Variants in ZNF385D observed in about 807,000 individuals in gnomAD.
The protein encoded by ZNF385D is zinc finger protein 659.
ZNF385D carries 15 observed loss-of-function variants against 35.8 expected under a neutral mutation model. The ratio of observed to expected loss-of-function variants is 0.42; its 90% CI spans 0.28 to 0.64. ZNF385D has a LOEUF of 0.64. Among genes scored for constraint, ZNF385D ranks in the 30% least tolerant of loss-of-function variants. The pLI is 0.23. For missense variants in ZNF385D, 474 were observed against 494.6 expected (o/e 0.96, Z 0.39); for synonymous variants, 212 against 186.8 (o/e 1.13, Z -1.10).
intron 4 of ZNF385D, among the ~76,000 whole-genome samples, chr3:21,453,687 T>G (rs1183982287): frequency 6.6e-6 from 1 of 151,900 alleles, no homozygotes; most frequent in Non-Finnish European, 1.5e-5. Context: ...AATAAAAAAC[T>G]AAATTAAAAA....
At chr3:22,174,025 A>AACACAC (rs10569895) in intron 2 of ZNF385D, among the ~76,000 whole-genome samples, 1,669 of 149,954 alleles carry the variant, frequency 0.011, 34 homozygotes, top group Non-Finnish European at 0.01. Flanking sequence ...TTTACACACA[A>AACACAC]ACACACACAC....
chr3:21,674,560 T>C (rs997336903), intron 1 of ZNF385D, among the ~76,000 whole-genome samples: 6 of 152,268 alleles, frequency 3.9e-5, no homozygotes, highest in Middle Eastern at 3.4e-3. Context: ...ATTTGTGTTA[T>C]CTAAGTTACA....
At chr3:22,011,009 T>C (rs1391129625) in intron 3 of ZNF385D, among the ~76,000 whole-genome samples, 1 of 152,170 alleles carries the variant, frequency 6.6e-6, no homozygotes, top group Admixed American at 6.5e-5. Flanking sequence ...TGGATCATAA[T>C]TGAAAAGGTT....
intron 3 of ZNF385D, among the ~76,000 whole-genome samples, chr3:21,813,472 G>A (rs1236800742): frequency 6.6e-6 from 1 of 152,266 alleles, no homozygotes; most frequent in Non-Finnish European, 1.5e-5. Flanking sequence ...TAGGTGAATG[G>A]CTAACTAGAA....
At chr3:21,580,178 A>G (rs1216829799) in intron 2 of ZNF385D, among the ~76,000 whole-genome samples, 6 of 152,222 alleles carry the variant, frequency 3.9e-5, no homozygotes, top group Non-Finnish European at 8.8e-5. Flanking sequence ...AGTTCAAACA[A>G]TAAATGAATT....
chr3:21,695,453 T>C (rs566988881), intron 1 of ZNF385D, among the ~76,000 whole-genome samples: 1 of 152,216 alleles, frequency 6.6e-6, no homozygotes, highest in East Asian at 1.9e-4. Flanking sequence ...AGTTCAAAGG[T>C]TGGGTTGCAG....
chr3:22,246,067 A>G (rs914272470), intron 2 of ZNF385D, among the ~76,000 whole-genome samples: 12 of 152,182 alleles, frequency 7.9e-5, no homozygotes, highest in African/African-American at 2.7e-4. Context: ...CTTGAACATC[A>G]TAACAGATGC....
intron 3 of ZNF385D, among the ~76,000 whole-genome samples, chr3:21,963,291 G>A (rs1192241063): frequency 6.6e-6 from 1 of 152,146 alleles, no homozygotes; most frequent in Non-Finnish European, 1.5e-5. Context: ...ATGTGAGGGT[G>A]TGTTCGGAGG....
chr3:22,053,162 G>T lies in ZNF385D; in HGVS notation c.325+115655C>A, dbSNP rs1414723769. Among the ~76,000 whole-genome samples, 2 of 87,964 alleles carry T rather than the reference G, an allele frequency of 2.3e-5. 1 individual carries two copies. The highest frequency in any genetic ancestry group is 1.1e-3 in the East Asian group (2 of 1,886). 57.7% of individuals were successfully genotyped at this position (87,964 alleles called of 152,430 possible). ...TAGCAATCAGCGAGATTCCGTGGGC[G>T]TAGGACCCTCCGAGCCAGGTGTGGG... On this transcript the variant is annotated intron_variant, in intron 3 of 5. Coordinates refer to the ZNF385D transcript ENST00000494108.
intron 3 of ZNF385D, among the ~76,000 whole-genome samples, chr3:22,011,246 A>C (rs1420664606): frequency 2.0e-5 from 3 of 152,200 alleles, no homozygotes; most frequent in Non-Finnish European, 2.9e-5. Context: ...AAATAAATAC[A>C]AACTATGGAT....
intron 3 of ZNF385D, among the ~76,000 whole-genome samples, chr3:22,026,824 A>G (rs1341664788): frequency 6.6e-6 from 1 of 152,206 alleles, no homozygotes; most frequent in Non-Finnish European, 1.5e-5. Flanking sequence ...TGAAAGATGC[A>G]AGGGTGGTGA....
intron 3 of ZNF385D, among the ~76,000 whole-genome samples, chr3:22,042,822 A>T (rs960199028): frequency 1.5e-4 from 23 of 152,202 alleles, no homozygotes; most frequent in African/African-American, 5.1e-4. Context: ...CTCATGCCTG[A>T]TCTCGACGTG....
At chr3:21,977,592 G>A (rs34565874) in intron 3 of ZNF385D, among the ~76,000 whole-genome samples, 21,207 of 152,030 alleles carry the variant, frequency 0.14, 1,664 homozygotes, top group Middle Eastern at 0.23. Context: ...GCCATAGTGG[G>A]AAGAGTGCTT....
chr3:21,565,179 C>A (rs943470725), intron 2 of ZNF385D, among the ~76,000 whole-genome samples: 4 of 151,782 alleles, frequency 2.6e-5, no homozygotes, highest in Non-Finnish European at 1.5e-5. Context: ...GTCCTGCTTT[C>A]CAATAATTGA....
At chr3:22,217,366 C>A (rs139908847) in intron 2 of ZNF385D, among the ~76,000 whole-genome samples, 229 of 152,250 alleles carry the variant, frequency 1.5e-3, no homozygotes, top group African/African-American at 5.1e-3. Context: ...ACTGTGAACA[C>A]AAACTTCTTC....
At chr3:21,758,990 A>AC (rs2070475562) in intron 3 of ZNF385D, among the ~76,000 whole-genome samples, 2 of 147,520 alleles carry the variant, frequency 1.4e-5, no homozygotes, top group African/African-American at 2.5e-5. Flanking sequence ...AAAAAAAAAA[A>AC]AAAAAAAAAA....
At chr3:21,610,778 C>CAA (rs71266438) in intron 2 of ZNF385D, among the ~76,000 whole-genome samples, 14 of 126,716 alleles carry the variant, frequency 1.1e-4, no homozygotes, top group African/African-American at 2.4e-4. Context: ...CCGTCCCCCC[C>CAA]AAAAAAAAAA....
intron 3 of ZNF385D, among the ~76,000 whole-genome samples, chr3:21,929,601 G>A (rs1307721261): frequency 1.3e-5 from 2 of 151,976 alleles, no homozygotes; most frequent in African/African-American, 2.4e-5. Flanking sequence ...AACAAGTTCA[G>A]CAAGGAAGCA....
chr3:22,314,676 G>C (rs1028704668), intron 2 of ZNF385D, among the ~76,000 whole-genome samples: 1 of 152,132 alleles, frequency 6.6e-6, no homozygotes, highest in African/African-American at 2.4e-5. Context: ...TACCCTTCAA[G>C]AACAAATTTC....
Sources: allele counts gnomAD v4.1 joint callset (sites outside exome capture counted in the v4.1 genomes callset), GRCh38; gene constraint gnomAD v4.1.1; transcripts MANE v1.5; gene names NCBI Gene and HGNC (gene_info 2026-07-23, HGNC 2026-07-21).